TMEM92: variants seen among roughly 807,000 people sequenced by gnomAD.
TMEM92 encodes the protein transmembrane protein 92.
TMEM92 carries 15 observed loss-of-function variants against 14.6 expected under a neutral mutation model. That is an observed-to-expected ratio of 1.03 (90% CI 0.69 to 1.58). TMEM92 has a LOEUF of 1.58. TMEM92 is among the 40% of genes most tolerant of loss of function. TMEM92 has a pLI of 0.00. For missense variants in TMEM92, 174 were observed against 202.4 expected (o/e 0.86, Z 0.85); for synonymous variants, 85 against 83.3 (o/e 1.02, Z -0.11).
At chr17:50,277,319 T>C (rs1910459749) in intron 1 of TMEM92, among the ~76,000 whole-genome samples, 1 of 151,938 alleles carries the variant, frequency 6.6e-6, no homozygotes, top group Non-Finnish European at 1.5e-5. Context: ...AGCAAGATTC[T>C]TTGGTGATGA....
intron 2 of TMEM92, among the ~76,000 whole-genome samples, chr17:50,277,951 G>A (rs554601663): frequency 6.6e-6 from 1 of 152,124 alleles, no homozygotes; most frequent in South Asian, 2.1e-4. Flanking sequence ...ACACTTGCAG[G>A]CAGGTCTGTA....
upstream of TMEM92, among the ~76,000 whole-genome samples, chr17:50,272,352 C>G (rs1181846405): frequency 6.6e-6 from 1 of 152,180 alleles, no homozygotes; most frequent in African/African-American, 2.4e-5. Context: ...TCCCATTTTC[C>G]TCTCCCGTAA....
chr17:50,281,289 A>G lies in TMEM92; in HGVS notation c.*1981A>G, dbSNP rs1403212541. Reference sequence around the variant, plus strand: ...CACAGATCTTTACGAAGCTCCTGCTATGTAGGAAACACTATGCCTGGCACT... The same window carrying G: ...CACAGATCTTTACGAAGCTCCTGCTGTGTAGGAAACACTATGCCTGGCACT... On this transcript the variant is annotated 3_prime_UTR_variant, in exon 5 of 5. Coordinates refer to ENST00000507382, the MANE Select transcript of TMEM92 (RefSeq NM_153229.3). 6.6e-6 allele frequency: 1 copy of G among 152,186 alleles called. No individual in the cohort carries two copies. Among genetic ancestry groups the G allele is most frequent in the African/African-American group, 2.4e-5 (1 of 41,436 alleles). 9.4% of individuals were successfully genotyped at this position (152,186 alleles called of 1,614,324 possible).
At chr17:50,273,729 C>G (rs1386528101), upstream of TMEM92, among the ~76,000 whole-genome samples, 1 of 152,196 alleles carries the variant, frequency 6.6e-6, no homozygotes, top group Non-Finnish European at 1.5e-5. Context: ...TATCCCCCAA[C>G]CATAACCCCT....
upstream of TMEM92, among the ~76,000 whole-genome samples, chr17:50,272,662 ATCT>A (rs1555584702): frequency 6.6e-6 from 1 of 152,182 alleles, no homozygotes. Flanking sequence ...CTAGAAGATT[ATCT>A]TCTTAAGGGG....
At chr17:50,271,766 T>G (rs1257922921), upstream of TMEM92, among the ~76,000 whole-genome samples, 2 of 152,144 alleles carry the variant, frequency 1.3e-5, no homozygotes, top group African/African-American at 4.8e-5. Context: ...GGCCCAGGTG[T>G]AGTAGCTCAC....
chr17:50,276,137 G>GA (rs914092687), intron 1 of TMEM92, among the ~76,000 whole-genome samples: 24 of 149,930 alleles, frequency 1.6e-4, no homozygotes, highest in African/African-American at 5.4e-4. Context: ...TCTCCAAAAA[G>GA]AAAAAAAAAG....
chr17:50,278,860 A>G lies in TMEM92; in HGVS notation c.230A>G (p.Lys77Arg). Residue 77 changes from lysine (K) to arginine (R), a missense_variant, in exon 4 of 5, where the codon AAG becomes AGG. Lys to Arg is a conservative substitution (Grantham distance 26). Transcript: ENST00000507382. ...GTCTTTTGCATCTGTGGCCTGGCTA[A>G]GTGCTTCTGTCGCAACTGCAGAGAG... The part of the protein sequence containing the change: ...LSVFCICGLA[K>R]CFCRNCREPE... 1 of 1,613,708 alleles carries G rather than the reference A, an allele frequency of 6.2e-7. No homozygotes were observed. Among genetic ancestry groups the G allele is most frequent in the Non-Finnish European group, 8.5e-7 (1 of 1,179,826 alleles).
At position 50,281,049 on chromosome 17, in the gene TMEM92, C is replaced by G. The variant is rs977905319; in HGVS notation, c.*1741C>G. Reference sequence around the variant, plus strand: ...TTGGGAGACCTGGAGGAGAAGTTACCCTCGGCCCAGACGTTGCCTTCCTTT... The same window carrying G: ...TTGGGAGACCTGGAGGAGAAGTTACGCTCGGCCCAGACGTTGCCTTCCTTT... On this transcript the variant is annotated 3_prime_UTR_variant, in exon 5 of 5. Coordinates refer to ENST00000507382, the MANE Select transcript of TMEM92 (RefSeq NM_153229.3). 6 of 152,164 alleles carry G rather than the reference C, an allele frequency of 3.9e-5. No homozygotes were observed. Among genetic ancestry groups the G allele is most frequent in the African/African-American group, 1.2e-4 (5 of 41,400 alleles). 9.4% of individuals were successfully genotyped at this position (152,164 alleles called of 1,614,324 possible).
rs1337911989 is a variant in TMEM92, at chr17:50,279,701, C to T, written c.*393C>T. On this transcript the variant is annotated 3_prime_UTR_variant, in exon 5 of 5. Coordinates refer to ENST00000507382, the MANE Select transcript of TMEM92 (RefSeq NM_153229.3). The stretch of plus-strand genomic sequence containing the variant: ...ACTTCTATACCTGTGGGACATTGGA[C>T]TGGATGAGCCCTGAGCCAGCTTCCA... 1 of 270,018 alleles carries T rather than the reference C, an allele frequency of 3.7e-6. No homozygotes were observed. Among genetic ancestry groups the T allele is most frequent in the South Asian group, 3.4e-5 (1 of 29,380 alleles). 16.7% of individuals were successfully genotyped at this position (270,018 alleles called of 1,614,324 possible). A position where few individuals can be genotyped will look rare whatever the true frequency, so the allele number is the denominator to read the frequency against.
At chr17:50,276,790 G>A (rs1027377176) in intron 1 of TMEM92, among the ~76,000 whole-genome samples, 4 of 152,178 alleles carry the variant, frequency 2.6e-5, no homozygotes, top group African/African-American at 4.8e-5. Flanking sequence ...CCCTGCCCTC[G>A]CGGAGTTTGC....
In TMEM92 at chr17:50,279,482, CTT is replaced by C; in HGVS notation, c.*175_*176del. On this transcript the variant is annotated 3_prime_UTR_variant, in exon 5 of 5. Coordinates refer to ENST00000507382, the MANE Select transcript of TMEM92 (RefSeq NM_153229.3). The stretch of plus-strand genomic sequence containing the variant: ...TTCTGTTTCCACCCCAGCTGCCTCT[CTT>C]GTCCTGAGGGTTAGGCTGGAGTGAC... 4.9e-6 allele frequency: 3 copies of C among 610,500 alleles called. No individual in the cohort carries two copies. The highest frequency in any genetic ancestry group is 5.7e-6 in the Non-Finnish European group (2 of 347,964). The allele number at this position is 610,500 out of a possible 1,614,324, so 37.8% of individuals were successfully genotyped here.
In TMEM92 at chr17:50,279,590, G is replaced by T; in HGVS notation, c.*282G>T. The T allele has an allele frequency of 2.6e-6, 1 of 386,216 alleles. No individual in the cohort carries two copies. The highest frequency in any genetic ancestry group is 4.8e-6 in the Non-Finnish European group (1 of 209,948). The allele number at this position is 386,216 out of a possible 1,614,324, so 23.9% of individuals were successfully genotyped here. A position where few individuals can be genotyped will look rare whatever the true frequency, so the allele number is the denominator to read the frequency against. ...CATTGGAGGTGCCCAACAGTAGAAT[G>T]GGCTACTGTGAGGGGTAGTAAGAGC... On this transcript the variant is annotated 3_prime_UTR_variant, in exon 5 of 5. Transcript: ENST00000507382.
At chr17:50,277,540 C>G (rs1383105694) in intron 1 of TMEM92, among the ~76,000 whole-genome samples, 175 bp from the exon 2 acceptor site, 1 of 151,552 alleles carries the variant, frequency 6.6e-6, no homozygotes, top group Non-Finnish European at 1.5e-5. Flanking sequence ...CAGTTGGGCT[C>G]CAAGCACTGA....
chr17:50,279,096 T>A (rs1369996263), intron 4 of TMEM92, 99 bp from the exon 5 acceptor site: 1 of 1,438,174 alleles, frequency 7.0e-7, no homozygotes, highest in African/African-American at 1.4e-5. Context: ...CACCCAGCAT[T>A]GGGTCACCCC....
rs781054135 is a variant in TMEM92, at chr17:50,274,554, T to A, written c.53T>A (p.Leu18Gln). 4 of 1,613,918 alleles carry A rather than the reference T, an allele frequency of 2.5e-6. No homozygotes were observed. The South Asian group carries it at 4.4e-5, about 18-fold the overall frequency. ...GCGCCCACCTTGCTGTTCAGCCTGC[T>A]GGCTGGCCCCCAAAAGGTGAGACTG... ...GLAPTLLFSL[L>Q]AGPQKIAAKC... Residue 18 changes from leucine to glutamine, a missense_variant, in exon 1 of 5, where the codon CTG becomes CAG. Transcript: ENST00000507382.
rs1163189502 is a variant in TMEM92 at position 50,281,483 on chromosome 17, C to G, written c.*2175C>G. 2.0e-5 allele frequency: 3 copies of G among 152,200 alleles called. No individual in the cohort carries two copies. Among genetic ancestry groups the G allele is most frequent in the African/African-American group, 7.2e-5 (3 of 41,444 alleles). The allele number at this position is 152,200 out of a possible 1,614,324, so 9.4% of individuals were successfully genotyped here. ...AAAGAATAAATAGGATCTGTAGCAC[C>G]AACCCTGCAAAGCATCCATCACTTA... On this transcript the variant is annotated 3_prime_UTR_variant, in exon 5 of 5. Coordinates refer to ENST00000507382, the MANE Select transcript of TMEM92 (RefSeq NM_153229.3).
intron 4 of TMEM92, 26 bp downstream of exon 4, chr17:50,279,022 C>G: frequency 6.5e-7 from 1 of 1,532,170 alleles, no homozygotes; most frequent in Non-Finnish European, 9.0e-7. Flanking sequence ...CCATCCCCAC[C>G]TTGCCTCTGG....
intron 2 of TMEM92, among the ~76,000 whole-genome samples, chr17:50,278,339 G>A (rs920787926): frequency 6.6e-6 from 1 of 152,100 alleles, no homozygotes; most frequent in Non-Finnish European, 1.5e-5. Flanking sequence ...GATGAGGGGC[G>A]TGGGGCCCAA....
Sources: allele counts gnomAD v4.1 joint callset (sites outside exome capture counted in the v4.1 genomes callset), GRCh38; gene constraint gnomAD v4.1.1; transcripts MANE v1.5; gene names NCBI Gene and HGNC (gene_info 2026-07-23, HGNC 2026-07-21).